Variants in BFSP1 observed in about 807,000 individuals in gnomAD.
BFSP1 encodes the protein filensin.
BFSP1 carries 38 observed loss-of-function variants against 43.9 expected under a neutral mutation model. That is an observed-to-expected ratio of 0.87 (90% CI 0.67 to 1.14). The LOEUF (loss-of-function observed/expected upper bound fraction) is 1.14. Ranked by LOEUF, BFSP1 falls within the 50% of genes most tolerant of loss-of-function variation. The probability of loss-of-function intolerance (pLI) is 0.00; values close to 1 mark genes in which losing one functional copy is unlikely to be tolerated. For synonymous variants in BFSP1, 352 were observed against 354.8 expected (o/e 0.99, Z 0.09); for missense variants, 850 against 875.1 (o/e 0.97, Z 0.36).
intron 1 of BFSP1, among the ~76,000 whole-genome samples, chr20:17,557,552 G>A (rs868155556): frequency 1.2e-4 from 19 of 152,204 alleles, no homozygotes; most frequent in Non-Finnish European, 1.3e-4. Flanking sequence ...GGTTGTAGGA[G>A]GGTTGCCGGC....
chr20:17,505,678 T>C (rs1022018670), intron 5 of BFSP1, among the ~76,000 whole-genome samples: 2 of 152,232 alleles, frequency 1.3e-5, no homozygotes, highest in Non-Finnish European at 2.9e-5. Context: ...GGCCCAAGCC[T>C]GGGACACAGG....
upstream of BFSP1, among the ~76,000 whole-genome samples, chr20:17,535,157 T>C (rs1470757414): frequency 6.6e-6 from 1 of 152,152 alleles, no homozygotes; most frequent in African/African-American, 2.4e-5. Flanking sequence ...AACATAAAAT[T>C]GTATCAAGAT....
intron 1 of BFSP1, among the ~76,000 whole-genome samples, chr20:17,553,816 C>CATAT (rs1568717907): frequency 1.0e-5 from 1 of 95,460 alleles, no homozygotes; most frequent in African/African-American, 6.2e-5. Context: ...CACACACACA[C>CATAT]ACACACACAT....
intron 1 of BFSP1, among the ~76,000 whole-genome samples, chr20:17,550,853 G>GCAGGCAT (rs1437866830): frequency 6.6e-6 from 1 of 152,138 alleles, no homozygotes; most frequent in East Asian, 1.9e-4. Context: ...GTTTATCCTT[G>GCAGGCAT]CAGGCATTGT....
At chr20:17,531,504 C>G (rs2034541033), upstream of BFSP1, 2 of 967,912 alleles carry the variant, frequency 2.1e-6, no homozygotes. Context: ...AAGAAAAGAG[C>G]AGCGGCCCGC....
At chr20:17,517,884 C>T (rs912917348) in intron 2 of BFSP1, among the ~76,000 whole-genome samples, 2 of 152,154 alleles carry the variant, frequency 1.3e-5, no homozygotes, top group Non-Finnish European at 2.9e-5. Flanking sequence ...GAGCAATTTT[C>T]GGCAACGGAA....
intron 2 of BFSP1, among the ~76,000 whole-genome samples, chr20:17,519,310 G>A (rs992400153): frequency 6.6e-6 from 1 of 152,200 alleles, no homozygotes; most frequent in African/African-American, 2.4e-5. Flanking sequence ...GAACAAAGCA[G>A]TCCATGGAAG....
upstream of BFSP1, among the ~76,000 whole-genome samples, chr20:17,531,680 G>A (rs2034545161): frequency 6.6e-6 from 1 of 152,220 alleles, no homozygotes; most frequent in African/African-American, 2.4e-5. Context: ...TGGGGACTGT[G>A]AAGGAATCCC....
chr20:17,555,862 G>A (rs1273012183), intron 1 of BFSP1, among the ~76,000 whole-genome samples: 1 of 152,018 alleles, frequency 6.6e-6, no homozygotes, highest in Non-Finnish European at 1.5e-5. Flanking sequence ...AAATGTATAA[G>A]GATAACTAAG....
rs138639542 is a variant in BFSP1, at chr20:17,541,498, T to C, written c.3-16590A>G. Reference sequence around the variant, plus strand: ...TTGTCTGTCATCATTAGAGGAAATATATAGGGACAGAACAAAAATACATTT... The same window carrying C: ...TTGTCTGTCATCATTAGAGGAAATACATAGGGACAGAACAAAAATACATTT... On this transcript the variant is annotated intron_variant, in intron 1 of 7. Coordinates refer to the BFSP1 transcript ENST00000377868. Among the ~76,000 whole-genome samples, 684 of 152,302 alleles carry C rather than the reference T, an allele frequency of 4.5e-3. 12 individuals carry two copies. Among genetic ancestry groups the C allele is most frequent in the East Asian group, 0.019 (97 of 5,184 alleles).
At chr20:17,557,536 A>C (rs2035013223) in intron 1 of BFSP1, among the ~76,000 whole-genome samples, 1 of 152,142 alleles carries the variant, frequency 6.6e-6, no homozygotes, top group African/African-American at 2.4e-5. Flanking sequence ...CCATATATCC[A>C]TGAGTGGTTG....
At chr20:17,514,125 ACACTACTT>A (rs1388914175) in intron 3 of BFSP1, among the ~76,000 whole-genome samples, 2 of 152,232 alleles carry the variant, frequency 1.3e-5, no homozygotes, top group African/African-American at 4.8e-5. Context: ...CAGGTCTGCT[ACACTACTT>A]CACCCACGTC....
At chr20:17,534,585 A>G (rs2034597706), upstream of BFSP1, among the ~76,000 whole-genome samples, 1 of 152,262 alleles carries the variant, frequency 6.6e-6, no homozygotes, top group South Asian at 2.1e-4. Flanking sequence ...GGAATCATCC[A>G]GATAAATCCC....
chr20:17,494,043 A>G lies in BFSP1; in HGVS notation c.*31T>C, dbSNP rs1191810259. The G allele has an allele frequency of 9.0e-6, 14 of 1,562,050 alleles. No homozygotes were observed. Among genetic ancestry groups the G allele is most frequent in the Admixed American group, 7.2e-5 (4 of 55,178 alleles). ...AAGCATTACCCCTACAGTGGCCCCA[A>G]ATACATTTTATCCCATCAAGCCTGG... On this transcript the variant is annotated 3_prime_UTR_variant, in exon 8 of 8. Coordinates refer to ENST00000377873, the MANE Select transcript of BFSP1 (RefSeq NM_001195.5).
In BFSP1 at chr20:17,499,004, C is replaced by G; in HGVS notation, c.772G>C (p.Glu258Gln). ...TLEQAIKSAH[E>Q]CYDDEIQLYN... ...AGCTGAATCTCATCGTCATAACACTCATGGGCACTTTTAATAGCTTGTTCC... is the reference window on the plus strand; with the variant it reads ...AGCTGAATCTCATCGTCATAACACTGATGGGCACTTTTAATAGCTTGTTCC... Residue 258 changes from glutamate (E) to glutamine (Q), a missense_variant, in exon 6 of 8, where the codon GAG (glutamate) becomes CAG (glutamine). By Grantham distance (29) the Glu-to-Gln change is conservative. Coordinates refer to ENST00000377873, the MANE Select transcript of BFSP1 (RefSeq NM_001195.5). 6.2e-7 allele frequency: 1 copy of G among 1,614,168 alleles called. No homozygotes were observed. Among genetic ancestry groups the G allele is most frequent in the Non-Finnish European group, 8.5e-7 (1 of 1,180,038 alleles).
Position 17,525,918 on chromosome 20 carries a change from A to C in BFSP1, c.378-1010T>G, listed in dbSNP as rs1431058690. On this transcript the variant is annotated intron_variant, in intron 1 of 7. Transcript: ENST00000377873. The surrounding 1 kb of genome is among the most constrained non-coding windows in gnomAD (Gnocchi z 4.2). ...GATACCTTTAGTTAAGTAATGGTGTATGTGTGCCCTTTGCTTCTCATTTTC... is the reference window on the plus strand; with the variant it reads ...GATACCTTTAGTTAAGTAATGGTGTCTGTGTGCCCTTTGCTTCTCATTTTC... Among the ~76,000 whole-genome samples, 1 of 151,978 alleles carries C rather than the reference A, an allele frequency of 6.6e-6. No homozygotes were observed. Among genetic ancestry groups the C allele is most frequent in the Non-Finnish European group, 1.5e-5 (1 of 68,000 alleles).
intron 5 of BFSP1, among the ~76,000 whole-genome samples, chr20:17,504,448 C>A (rs2033881862): frequency 6.6e-6 from 1 of 152,166 alleles, no homozygotes; most frequent in Non-Finnish European, 1.5e-5. Flanking sequence ...CCACCCAGCA[C>A]CAGCCTGGCC....
At chr20:17,514,012 C>A (rs1012008757) in intron 3 of BFSP1, among the ~76,000 whole-genome samples, 1 of 152,200 alleles carries the variant, frequency 6.6e-6, no homozygotes, top group Non-Finnish European at 1.5e-5. Context: ...CCACTACAGG[C>A]GGAGCAGCCT....
chr20:17,510,065 G>A (rs948651588), intron 4 of BFSP1, among the ~76,000 whole-genome samples: 5 of 152,170 alleles, frequency 3.3e-5, no homozygotes, highest in East Asian at 1.9e-4. Flanking sequence ...GAAAGTGACC[G>A]TCTAACTTGA....
Sources: allele counts gnomAD v4.1 joint callset (sites outside exome capture counted in the v4.1 genomes callset), GRCh38; gene constraint gnomAD v4.1.1; non-coding constraint Gnocchi (gnomAD v3.1); transcripts MANE v1.5; gene names NCBI Gene and HGNC (gene_info 2026-07-23, HGNC 2026-07-21).